NBAS: variants seen among roughly 807,000 people sequenced by gnomAD.
NBAS encodes the protein NAG/BC035112 fusion.
A neutral mutation model predicts 302.5 loss-of-function variants in NBAS; 219 were observed. That is an observed-to-expected ratio of 0.72 (90% CI 0.65 to 0.81). The LOEUF is 0.81. Among genes scored for constraint, NBAS ranks in the 30% least tolerant of loss-of-function variants. The pLI is 0.00. For missense variants in NBAS, 2,932 were observed against 2,841.6 expected, an observed-to-expected ratio of 1.03 and a Z score of -0.72; for synonymous variants, 1,118 against 1,021.6, an observed-to-expected ratio of 1.09 and a Z score of -1.80.
At chr2:15,466,133 T>C (rs1679713119) in intron 19 of NBAS, among the ~76,000 whole-genome samples, 1 of 152,130 alleles carries the variant, frequency 6.6e-6, no homozygotes, top group South Asian at 2.1e-4. Context: ...CAGCCCTCTT[T>C]CAGTATTTGT....
At chr2:15,012,629 C>A in the NBAS span, among the ~76,000 whole-genome samples, 3 of 152,010 alleles carry the variant, frequency 2.0e-5, no homozygotes, top group African/African-American at 7.2e-5. Context: ...AAATCAAAGA[C>A]AAAGCATTCT....
chr2:15,273,599 T>C (rs1669429951), intron 44 of NBAS, among the ~76,000 whole-genome samples: 2 of 152,166 alleles, frequency 1.3e-5, no homozygotes, highest in Admixed American at 1.3e-4. Flanking sequence ...AAAACTAGGG[T>C]AATAATATTA....
intron 6 of NBAS, among the ~76,000 whole-genome samples, chr2:15,549,349 G>A (rs1664266777): frequency 6.6e-6 from 1 of 152,104 alleles, no homozygotes; most frequent in Non-Finnish European, 1.5e-5. Context: ...AACTTTGTCA[G>A]CAGACTGTTG....
intron 48 of NBAS, among the ~76,000 whole-genome samples, chr2:15,213,627 T>G (rs1428932236): frequency 6.6e-6 from 1 of 152,230 alleles, no homozygotes; most frequent in Non-Finnish European, 1.5e-5. Context: ...GAGTTCCATG[T>G]ATCACCTTAA....
At chr2:15,358,469 T>C (rs1190294203) in intron 32 of NBAS, among the ~76,000 whole-genome samples, 1 of 152,054 alleles carries the variant, frequency 6.6e-6, no homozygotes, top group Non-Finnish European at 1.5e-5. Flanking sequence ...TTTAGAGATG[T>C]GGTTTCTCTC....
the NBAS span, among the ~76,000 whole-genome samples, chr2:15,134,434 A>G: frequency 8.5e-5 from 13 of 152,068 alleles, no homozygotes; most frequent in African/African-American, 3.1e-4. Flanking sequence ...TTGTTATAGC[A>G]GCCTAAACAA....
intron 48 of NBAS, among the ~76,000 whole-genome samples, chr2:15,206,600 T>C (rs1005122679): frequency 2.0e-5 from 3 of 151,854 alleles, no homozygotes; most frequent in African/African-American, 7.3e-5. Context: ...GAGGGAAAAA[T>C]GGTTCCATGG....
chr2:15,498,337 G>T (rs1456773079), intron 11 of NBAS, among the ~76,000 whole-genome samples: 3 of 152,022 alleles, frequency 2.0e-5, no homozygotes, highest in Admixed American at 6.6e-5. Flanking sequence ...AAGTTTAACA[G>T]ATAATTAAAA....
At chr2:15,430,572 A>G (rs1572838551) in intron 21 of NBAS, among the ~76,000 whole-genome samples, 1 of 152,214 alleles carries the variant, frequency 6.6e-6, no homozygotes, top group Admixed American at 6.5e-5. Context: ...TCATATTACA[A>G]TGAGAAAACT....
chr2:15,264,881 A>C (rs1254186026), intron 44 of NBAS, among the ~76,000 whole-genome samples: 1 of 152,144 alleles, frequency 6.6e-6, no homozygotes, highest in Non-Finnish European at 1.5e-5. Context: ...CCACAATTCG[A>C]GTGCAGCCTG....
At chr2:15,042,644 G>T in the NBAS span, among the ~76,000 whole-genome samples, 1 of 152,142 alleles carries the variant, frequency 6.6e-6, no homozygotes, top group Admixed American at 6.5e-5. Context: ...AGGATGGCAG[G>T]GCTGTGAAGA....
At position 15,249,007 on chromosome 2, in the gene NBAS, C is replaced by CA. The variant is rs1377887373; in HGVS notation, c.5725-10322dup. Among the ~76,000 whole-genome samples the CA allele has an allele frequency of 1.3e-3, 200 of 151,618 alleles. 1 individual carries two copies. The highest frequency in any genetic ancestry group is 4.3e-3 in the African/African-American group (177 of 41,342). On this transcript the variant is annotated intron_variant, in intron 44 of 51. Coordinates refer to ENST00000281513, the MANE Select transcript of NBAS (RefSeq NM_015909.4). ...AAACCTGCCAGAGACACAACAACAA[C>CA]AACAAAAAGAAAATTTCAGGCCAAT...
chr2:14,871,863 G>A, the NBAS span, among the ~76,000 whole-genome samples: 3 of 152,012 alleles, frequency 2.0e-5, no homozygotes, highest in Admixed American at 6.6e-5. Context: ...AAACTAAATA[G>A]AATGGTAGAT....
the NBAS span, among the ~76,000 whole-genome samples, chr2:14,918,724 T>C: frequency 8.5e-5 from 13 of 152,058 alleles, no homozygotes; most frequent in East Asian, 2.5e-3. Context: ...ATGACAAGAT[T>C]GGTGTTTTAA....
intron 13 of NBAS, 52 bp from the exon 14 acceptor site, chr2:15,475,932 A>G: frequency 1.4e-6 from 2 of 1,385,656 alleles, no homozygotes; most frequent in Non-Finnish European, 2.0e-6. Flanking sequence ...TGTGGTTTAA[A>G]TTCAAAATAT....
At chr2:14,939,367 A>G in the NBAS span, among the ~76,000 whole-genome samples, 1 of 152,250 alleles carries the variant, frequency 6.6e-6, no homozygotes, top group African/African-American at 2.4e-5. Context: ...AAGAAAAGCC[A>G]TTCTTTAGAT....
chr2:15,057,551 T>C, the NBAS span, among the ~76,000 whole-genome samples: 4 of 152,184 alleles, frequency 2.6e-5, no homozygotes, highest in African/African-American at 9.7e-5. Context: ...CACTGCACCA[T>C]ATTTGTAGTC....
intron 12 of NBAS, among the ~76,000 whole-genome samples, chr2:15,485,281 G>A (rs933980595): frequency 1.3e-5 from 2 of 151,402 alleles, no homozygotes; most frequent in Non-Finnish European, 2.9e-5. Context: ...AAGAATCAAT[G>A]TAAAAAATTA....
the NBAS span, among the ~76,000 whole-genome samples, chr2:15,142,085 T>C: frequency 2.6e-3 from 399 of 152,304 alleles, 3 homozygotes; most frequent in African/African-American, 9.1e-3. Flanking sequence ...CCCATTCATC[T>C]CCACCCACGT....
Sources: allele counts gnomAD v4.1 joint callset (sites outside exome capture counted in the v4.1 genomes callset), GRCh38; gene constraint gnomAD v4.1.1; transcripts MANE v1.5; gene names NCBI Gene and HGNC (gene_info 2026-07-23, HGNC 2026-07-21).